The following NRXN1 variants were observed in gnomAD, a reference collection of about 807,000 sequenced individuals.
NRXN1 encodes neurexin 1, also known as neurexin-1.
Under a neutral mutation model 150.9 loss-of-function variants are expected in NRXN1, and 39 were observed. The observed-to-expected ratio is 0.26, with a 90% CI of 0.20 to 0.34. The LOEUF (loss-of-function observed/expected upper bound fraction) is 0.34. NRXN1 is among the 10% of genes least tolerant of loss of function. The pLI is 1.00. For synonymous variants in NRXN1, 924 were observed against 757.0 expected (o/e 1.22, Z -3.62); for missense variants, 1,815 against 1,949.9 (o/e 0.93, Z 1.30).
At position 50,715,749 on chromosome 2, in the gene NRXN1, C is replaced by T. The variant is rs560326081; in HGVS notation, c.833-92134G>A. ...AAAAATTCTTGATGATCTTCTCTAT[C>T]CATCCTTTAAGTCCCAACTCAAATG... On this transcript the variant is annotated intron_variant, in intron 5 of 22. Transcript: ENST00000401669. Among the ~76,000 whole-genome samples, 371 of 152,252 alleles carry T rather than the reference C, an allele frequency of 2.4e-3. 1 individual carries two copies. The highest frequency in any genetic ancestry group is 8.7e-3 in the African/African-American group (363 of 41,554).
At chr2:50,745,861 C>T (rs3914735) in intron 5 of NRXN1, among the ~76,000 whole-genome samples, 30,454 of 151,970 alleles carry the variant, frequency 0.2, 3,404 homozygotes, top group African/African-American at 0.31. Flanking sequence ...TTTCATCACA[C>T]GTGGGGATTA....
At chr2:50,481,864 C>A in intron 15 of NRXN1, among the ~76,000 whole-genome samples, 1 of 127,706 alleles carries the variant, frequency 7.8e-6, no homozygotes, top group East Asian at 2.2e-4. Flanking sequence ...CTCCCGGGTT[C>A]ACGCTATTCT....
At chr2:50,755,598 T>C (rs1381919371) in intron 5 of NRXN1, among the ~76,000 whole-genome samples, 1 of 151,818 alleles carries the variant, frequency 6.6e-6, no homozygotes, top group East Asian at 1.9e-4. Flanking sequence ...CAAAGATTTA[T>C]AAAATGTTAG....
chr2:50,202,485 A>G (rs1260232961), intron 18 of NRXN1, among the ~76,000 whole-genome samples: 1 of 152,106 alleles, frequency 6.6e-6, no homozygotes, highest in East Asian at 1.9e-4. Flanking sequence ...CAGCCTGGGC[A>G]ACAGAGTGAG....
chr2:49,990,154 C>G (rs904575468), intron 21 of NRXN1, among the ~76,000 whole-genome samples: 2 of 151,676 alleles, frequency 1.3e-5, no homozygotes, highest in African/African-American at 4.8e-5. Context: ...AGGGATGGCC[C>G]TTTATATTGG....
At chr2:50,974,710 T>C (rs942809299) in intron 2 of NRXN1, among the ~76,000 whole-genome samples, 1 of 152,058 alleles carries the variant, frequency 6.6e-6, no homozygotes, top group Non-Finnish European at 1.5e-5. Context: ...CTAATCTTCA[T>C]ACCAATATGA....
intron 21 of NRXN1, among the ~76,000 whole-genome samples, chr2:50,019,771 C>A (rs546772752): frequency 3.3e-5 from 5 of 150,180 alleles, no homozygotes; most frequent in African/African-American, 1.2e-4. Flanking sequence ...ACGGTGAAAC[C>A]CCGTCTCTAC....
At chr2:50,401,264 A>T (rs1310487617) in intron 17 of NRXN1, among the ~76,000 whole-genome samples, 2 of 152,110 alleles carry the variant, frequency 1.3e-5, no homozygotes, top group Non-Finnish European at 2.9e-5. Context: ...TTAAGATGGG[A>T]AGGCCTGCTA....
chr2:50,809,153 C>G (rs900098383), intron 5 of NRXN1, among the ~76,000 whole-genome samples: 1 of 152,024 alleles, frequency 6.6e-6, no homozygotes, highest in African/African-American at 2.4e-5. Context: ...TACAGTTTAT[C>G]AATAATCAGA....
intron 2 of NRXN1, among the ~76,000 whole-genome samples, chr2:51,025,972 T>A (rs1440974212): frequency 6.6e-6 from 1 of 152,104 alleles, no homozygotes; most frequent in African/African-American, 2.4e-5. Context: ...CTCCTCCTAA[T>A]CCTGTGAAGG....
chr2:51,009,071 C>A (rs1190073580), intron 2 of NRXN1, among the ~76,000 whole-genome samples: 3 of 151,880 alleles, frequency 2.0e-5, no homozygotes, highest in East Asian at 3.9e-4. Context: ...CATGAGTTGG[C>A]ATATAACATG....
chr2:49,924,199 T>C (rs537047528), intron 22 of NRXN1, among the ~76,000 whole-genome samples: 1 of 152,240 alleles, frequency 6.6e-6, no homozygotes, highest in Admixed American at 6.5e-5. Flanking sequence ...AAAGGGAATT[T>C]TGTTTAAATG....
chr2:50,347,692 A>G lies in NRXN1; in HGVS notation c.3365-110722T>C, dbSNP rs2078137228. 8 of 987,216 alleles carry G rather than the reference A, an allele frequency of 8.1e-6. No individual in the cohort carries two copies. The South Asian group carries it at 2.8e-4, about 34-fold the overall frequency. The allele number at this position is 987,216 out of a possible 1,614,324, so 61.2% of individuals were successfully genotyped here. On this transcript the variant is annotated intron_variant, in intron 17 of 22. Transcript: ENST00000401669. This position sits in a 1 kb window ranked among gnomAD's most constrained non-coding sequence, Gnocchi z 4.9. ...GAATCGAACGGCGGAAAGGCAGCTG[A>G]GAAGAAGATGCAGACGAAGGAGTAA... is the stretch of plus-strand genomic sequence containing the variant.
intron 21 of NRXN1, among the ~76,000 whole-genome samples, chr2:50,032,240 C>A (rs998879026): frequency 3.3e-5 from 5 of 151,928 alleles, no homozygotes; most frequent in African/African-American, 1.2e-4. Context: ...TAAATATTTT[C>A]CTGTTCATTC....
At chr2:49,951,231 T>C (rs1392025825) in intron 21 of NRXN1, among the ~76,000 whole-genome samples, 1 of 151,942 alleles carries the variant, frequency 6.6e-6, no homozygotes, top group Non-Finnish European at 1.5e-5. Context: ...AACTGAATTT[T>C]TGAGTAATCA....
At chr2:50,457,987 T>C (rs775656477) in intron 17 of NRXN1, among the ~76,000 whole-genome samples, 1 of 152,122 alleles carries the variant, frequency 6.6e-6, no homozygotes, top group Non-Finnish European at 1.5e-5. Context: ...GCTGAGTATA[T>C]ATCCAAAAGA....
intron 17 of NRXN1, among the ~76,000 whole-genome samples, chr2:50,326,852 C>G (rs2076417978): frequency 6.6e-6 from 1 of 152,054 alleles, no homozygotes; most frequent in Non-Finnish European, 1.5e-5. Context: ...GGCAGAACAT[C>G]AACAATAAAA....
chr2:50,983,744 T>C (rs898564056), intron 2 of NRXN1, among the ~76,000 whole-genome samples: 4 of 152,158 alleles, frequency 2.6e-5, no homozygotes, highest in African/African-American at 9.6e-5. Context: ...AAATGCATTA[T>C]GTCCCCTAAT....
chr2:50,603,887 A>G (rs1457872641), intron 8 of NRXN1, among the ~76,000 whole-genome samples: 1 of 152,158 alleles, frequency 6.6e-6, no homozygotes, highest in Non-Finnish European at 1.5e-5. Flanking sequence ...CATCTCATGA[A>G]GCCAGTTTTG....
Sources: allele counts gnomAD v4.1 joint callset (sites outside exome capture counted in the v4.1 genomes callset), GRCh38; gene constraint gnomAD v4.1.1; non-coding constraint Gnocchi (gnomAD v3.1); transcripts MANE v1.5; gene names NCBI Gene and HGNC (gene_info 2026-07-23, HGNC 2026-07-21).